CEP68: variants seen among roughly 807,000 people sequenced by gnomAD.
CEP68 encodes the protein centrosomal protein of 68 kDa.
A neutral mutation model predicts 55.3 loss-of-function variants in CEP68; 26 were observed. That is an observed-to-expected ratio of 0.47 (90% CI 0.34 to 0.65). CEP68 has a LOEUF of 0.65. CEP68 is among the 30% of genes least tolerant of loss of function. The probability of loss-of-function intolerance (pLI) is 0.01; values close to 1 mark genes in which losing one functional copy is unlikely to be tolerated. For missense variants in CEP68, 957 were observed against 946.7 expected, an observed-to-expected ratio of 1.01 and a Z score of -0.14; for synonymous variants, 402 against 383.2, an observed-to-expected ratio of 1.05 and a Z score of -0.57.
In CEP68 at chr2:65,072,832, C is replaced by G; in HGVS notation, c.1736C>G (p.Ala579Gly). 1 of 1,614,200 alleles carries G rather than the reference C, an allele frequency of 6.2e-7. No individual in the cohort carries two copies. Among genetic ancestry groups the G allele is most frequent in the South Asian group, 1.1e-5 (1 of 91,084 alleles). ...GAAGGCAGTCTGGGGAGCAGCCAGG[C>G]CCTCGGGGTCTCCTCTGGACTGCTG... ...AGEGSLGSSQ[A>G]LGVSSGLLKT... Residue 579 changes from alanine to glycine, a missense_variant, in exon 3 of 7, where the codon GCC (alanine) becomes GGC (glycine). Transcript: ENST00000377990.
chr2:65,074,326 T>C lies in CEP68; in HGVS notation c.1929T>C (p.Asn643=). ...AAGAGCTGATCTGCTGGCTGTATAATGTTGCAGATGTTACTGACCACGGGA... is the reference window on the plus strand; with the variant it reads ...AAGAGCTGATCTGCTGGCTGTATAACGTTGCAGATGTTACTGACCACGGGA... ...QLEELICWLY[N]VADVTDHGTA... The change falls in exon 4 of 7, where the codon AAT becomes AAC. Residue 643 remains asparagine, a synonymous_variant. Coordinates refer to ENST00000377990, the MANE Select transcript of CEP68 (RefSeq NM_015147.3). The C allele has an allele frequency of 6.2e-7, 1 of 1,614,240 alleles. No homozygotes were observed. The highest frequency in any genetic ancestry group is 8.5e-7 in the Non-Finnish European group (1 of 1,180,026).
At chr2:65,056,828 G>A (rs989164450) in intron 1 of CEP68, among the ~76,000 whole-genome samples, 4 of 152,108 alleles carry the variant, frequency 2.6e-5, no homozygotes, top group African/African-American at 4.8e-5. Flanking sequence ...GCCCGGGCGC[G>A]GCGAGGGAGT....
At chr2:65,066,775 CAA>C (rs201666756) in intron 1 of CEP68, among the ~76,000 whole-genome samples, 46,623 of 108,224 alleles carry the variant, frequency 0.43, 9,548 homozygotes, top group Middle Eastern at 0.53. Flanking sequence ...TATACACACA[CAA>C]AAAAAAATTA....
intron 4 of CEP68, among the ~76,000 whole-genome samples, chr2:65,076,623 A>G (rs143659409): frequency 1.5e-3 from 184 of 123,936 alleles, no homozygotes; most frequent in Middle Eastern, 3.9e-3. Flanking sequence ...ATTTTCTTAT[A>G]TACTTGTATT....
intron 1 of CEP68, among the ~76,000 whole-genome samples, chr2:65,061,341 C>T (rs191996236): frequency 1.8e-3 from 272 of 152,266 alleles, no homozygotes; most frequent in African/African-American, 6.4e-3. Context: ...CCCTCCCTAC[C>T]GCATTGATCT....
At chr2:65,066,726 C>CA (rs869096839) in intron 1 of CEP68, among the ~76,000 whole-genome samples, 9,812 of 43,180 alleles carry the variant, frequency 0.23, 1,934 homozygotes, top group East Asian at 0.39. Flanking sequence ...GACTCTGTCT[C>CA]AAAAAAAAAA....
chr2:65,076,793 GCTGGGCAC>G, intron 4 of CEP68, among the ~76,000 whole-genome samples: 1 of 152,044 alleles, frequency 6.6e-6, no homozygotes, highest in Middle Eastern at 3.2e-3. Context: ...CCAAGTTCTG[GCTGGGCAC>G]GGTGGCTCAT....
chr2:65,064,299 A>G (rs985796483), intron 1 of CEP68, among the ~76,000 whole-genome samples: 6 of 152,180 alleles, frequency 3.9e-5, no homozygotes, highest in Admixed American at 6.5e-5. Flanking sequence ...AGATGAATAA[A>G]AAGTACATGA....
rs1676500608 is a variant in CEP68, at chr2:65,072,110, C to T, written c.1014C>T (p.Ser338=). The stretch of plus-strand genomic sequence containing the variant: ...AGGACTCCGGGGTAGACCTGGATAG[C>T]TTCTCTGTCTCTCCAGCAAGCACCC... The part of the protein sequence containing the change: ...VLQDSGVDLD[S]FSVSPASTLK... Residue 338 remains serine (S), a synonymous_variant, in exon 3 of 7, where the codon AGC becomes AGT. Coordinates refer to ENST00000377990, the MANE Select transcript of CEP68 (RefSeq NM_015147.3). 6.2e-7 allele frequency: 1 copy of T among 1,614,064 alleles called. No individual in the cohort carries two copies. The highest frequency in any genetic ancestry group is 8.5e-7 in the Non-Finnish European group (1 of 1,180,018).
chr2:65,082,783 G>T lies in CEP68; in HGVS notation c.*4+74G>T, dbSNP rs532045344. On this transcript the variant is annotated intron_variant, in intron 6 of 6. Coordinates refer to ENST00000377990, the MANE Select transcript of CEP68 (RefSeq NM_015147.3). ...ACAGTTGGCCACTACTTAGAAGCTTGTTGAGCCAAGAACTATTATTTAAAC... is the reference window on the plus strand; with the variant it reads ...ACAGTTGGCCACTACTTAGAAGCTTTTTGAGCCAAGAACTATTATTTAAAC... The T allele has an allele frequency of 3.7e-5, 46 of 1,239,926 alleles. No individual in the cohort carries two copies. In the South Asian group the frequency reaches 7.0e-4, roughly 19 times the overall value. 76.8% of individuals were successfully genotyped at this position (1,239,926 alleles called of 1,614,324 possible).
chr2:65,063,511 C>A (rs1676010188), intron 1 of CEP68, among the ~76,000 whole-genome samples: 1 of 152,182 alleles, frequency 6.6e-6, no homozygotes, highest in Non-Finnish European at 1.5e-5. Flanking sequence ...AAGCTGATGA[C>A]CTGGGAGACT....
At position 65,056,441 on chromosome 2, in the gene CEP68, C is replaced by G. The variant is rs1027197613; in HGVS notation, c.-134C>G. On this transcript the variant is annotated 5_prime_UTR_variant, in exon 1 of 7. Coordinates refer to ENST00000377990, the MANE Select transcript of CEP68 (RefSeq NM_015147.3). ...GTTTTGGGCTGCGGTTGGAGGGCCGCAGTTGCAGTCAGGGTCCGCCAGCTC... is the reference window on the plus strand; with the variant it reads ...GTTTTGGGCTGCGGTTGGAGGGCCGGAGTTGCAGTCAGGGTCCGCCAGCTC... 1.3e-5 allele frequency: 2 copies of G among 152,502 alleles called. No individual in the cohort carries two copies. Among genetic ancestry groups the G allele is most frequent in the African/African-American group, 4.8e-5 (2 of 41,468 alleles). 9.4% of individuals were successfully genotyped at this position (152,502 alleles called of 1,614,324 possible).
chr2:65,057,799 T>G (rs764236860), intron 1 of CEP68, among the ~76,000 whole-genome samples: 2 of 152,192 alleles, frequency 1.3e-5, no homozygotes, highest in Non-Finnish European at 2.9e-5. Context: ...AGGCTTTAGC[T>G]CTGCCATGTT....
intron 1 of CEP68, among the ~76,000 whole-genome samples, chr2:65,068,006 G>A (rs952755606): frequency 2.6e-5 from 4 of 152,106 alleles, no homozygotes; most frequent in Non-Finnish European, 4.4e-5. Context: ...AGATGAGCCC[G>A]CAGCCATTCC....
intron 5 of CEP68, among the ~76,000 whole-genome samples, chr2:65,078,725 G>T (rs951795183): frequency 6.6e-6 from 1 of 152,116 alleles, no homozygotes; most frequent in Admixed American, 6.6e-5. Context: ...TGTGTTTTTA[G>T]TACAGATGAG....
chr2:65,079,323 G>A (rs1398908790), intron 5 of CEP68, among the ~76,000 whole-genome samples: 1 of 152,196 alleles, frequency 6.6e-6, no homozygotes, highest in Non-Finnish European at 1.5e-5. Flanking sequence ...ATTGCAGGAT[G>A]TTTAGCAGCA....
intron 5 of CEP68, among the ~76,000 whole-genome samples, chr2:65,078,545 G>A (rs10201032): frequency 5.8e-4 from 88 of 152,130 alleles, no homozygotes; most frequent in African/African-American, 2.0e-3. Flanking sequence ...TTTTTGTTTT[G>A]TTTTGCTTTT....
At chr2:65,062,444 A>C (rs1026919444) in intron 1 of CEP68, among the ~76,000 whole-genome samples, 2 of 150,136 alleles carry the variant, frequency 1.3e-5, no homozygotes, top group Non-Finnish European at 3.0e-5. Flanking sequence ...AAGCCAGGAG[A>C]ATTGCTTGAA....
chr2:65,056,554 C>T, intron 1 of CEP68, 26 bp downstream of exon 1: 1 of 18,418 alleles, frequency 5.4e-5, no homozygotes, highest in Non-Finnish European at 9.3e-5. Flanking sequence ...CGTGCGGGTG[C>T]TGGTGTCGGG....
Sources: gnomAD v4.1 joint callset for allele counts (sites outside exome capture counted in the v4.1 genomes callset) on GRCh38, gnomAD v4.1.1 for gene constraint, MANE v1.5 for transcripts, NCBI Gene and HGNC (gene_info 2026-07-23, HGNC 2026-07-21) for gene names.